The following DISP1 variants were observed in gnomAD, a reference collection of about 807,000 sequenced individuals.
DISP1 encodes dispatched RND transporter family member 1.
DISP1 carries 30 observed loss-of-function variants against 37.3 expected under a neutral mutation model. The observed-to-expected ratio is 0.80, with a 90% CI of 0.60 to 1.09. DISP1 has a LOEUF of 1.09. Among genes scored for constraint, DISP1 ranks in the 50% least tolerant of loss-of-function variants. The pLI, the probability that DISP1 is intolerant of heterozygous loss-of-function variation, is 0.00. For missense variants in DISP1, 1,598 were observed against 1,879.5 expected (o/e 0.85, Z 2.77); for synonymous variants, 634 against 690.2 (o/e 0.92, Z 1.28).
chr1:222,896,033 G>A (rs1284546620), intron 1 of DISP1, among the ~76,000 whole-genome samples: 1 of 152,194 alleles, frequency 6.6e-6, no homozygotes, highest in Non-Finnish European at 1.5e-5. Context: ...GAGGCTACAA[G>A]GTGCAGTGGC....
chr1:222,895,020 G>A (rs747352954), intron 1 of DISP1, among the ~76,000 whole-genome samples: 1 of 152,154 alleles, frequency 6.6e-6, no homozygotes, highest in Non-Finnish European at 1.5e-5. Flanking sequence ...ATCTGAGTAG[G>A]GACACCCTTT....
At chr1:222,926,241 A>G (rs1156542544) in intron 1 of DISP1, among the ~76,000 whole-genome samples, 1 of 152,150 alleles carries the variant, frequency 6.6e-6, no homozygotes, top group Non-Finnish European at 1.5e-5. Flanking sequence ...ATGTTGTAGC[A>G]TGTATCAGTG....
intron 1 of DISP1, among the ~76,000 whole-genome samples, chr1:222,829,676 A>G (rs1461115921): frequency 1.3e-5 from 2 of 152,134 alleles, no homozygotes; most frequent in African/African-American, 2.4e-5. Flanking sequence ...TCCTGACCTC[A>G]GGTGAGCCAC....
chr1:222,980,419 G>GTA (rs1295070956), intron 3 of DISP1, among the ~76,000 whole-genome samples: 1 of 151,086 alleles, frequency 6.6e-6, no homozygotes, highest in Non-Finnish European at 1.5e-5. Flanking sequence ...AAGTGTGTGT[G>GTA]TGTGTGTGTG....
chr1:222,858,562 A>C (rs987009100), intron 1 of DISP1, among the ~76,000 whole-genome samples: 1 of 152,168 alleles, frequency 6.6e-6, no homozygotes, highest in Non-Finnish European at 1.5e-5. Flanking sequence ...AATGGGAAAA[A>C]ATTTTTGCAC....
At chr1:222,956,629 T>C (rs1322796357) in intron 3 of DISP1, among the ~76,000 whole-genome samples, 1 of 151,834 alleles carries the variant, frequency 6.6e-6, no homozygotes, top group African/African-American at 2.4e-5. Context: ...CCAAATTGCA[T>C]TGCTTTTTTT....
At chr1:222,865,922 C>T (rs1230169390) in intron 1 of DISP1, among the ~76,000 whole-genome samples, 2 of 152,098 alleles carry the variant, frequency 1.3e-5, no homozygotes, top group African/African-American at 4.8e-5. Context: ...CCCTTAGGGG[C>T]CGGCCCCCTG....
intron 3 of DISP1, among the ~76,000 whole-genome samples, chr1:222,953,065 TA>T (rs889391376): frequency 2.0e-5 from 3 of 152,206 alleles, no homozygotes; most frequent in Non-Finnish European, 4.4e-5. Flanking sequence ...AATATAAATG[TA>T]AAAATGCAGT....
At chr1:222,863,927 G>T (rs1669025627) in intron 1 of DISP1, among the ~76,000 whole-genome samples, 1 of 151,986 alleles carries the variant, frequency 6.6e-6, no homozygotes, top group South Asian at 2.1e-4. Flanking sequence ...CCAAGCCCTG[G>T]GGTCAACTCT....
At chr1:222,907,693 TG>T (rs774728711) in intron 1 of DISP1, among the ~76,000 whole-genome samples, 13 of 152,242 alleles carry the variant, frequency 8.5e-5, no homozygotes, top group Non-Finnish European at 1.3e-4. Flanking sequence ...GGCTCATGCC[TG>T]TAATCCCAGC....
At chr1:222,927,522 T>G (rs1258197658) in intron 1 of DISP1, among the ~76,000 whole-genome samples, 3 of 152,202 alleles carry the variant, frequency 2.0e-5, no homozygotes, top group Non-Finnish European at 2.9e-5. Context: ...TAATGTCTTT[T>G]GATCTTCAAA....
chr1:222,911,412 A>C (rs979418690), intron 1 of DISP1, among the ~76,000 whole-genome samples: 1 of 152,214 alleles, frequency 6.6e-6, no homozygotes, highest in African/African-American at 2.4e-5. Context: ...ATAAAACTGT[A>C]GAGCAAGGGT....
chr1:222,930,250 A>T lies in DISP1; in HGVS notation c.-18+1680A>T, dbSNP rs1673315504. Among the ~76,000 whole-genome samples, 3 of 152,146 alleles carry T rather than the reference A, an allele frequency of 2.0e-5. No individual in the cohort carries two copies. In the South Asian group the frequency reaches 6.2e-4, roughly 31 times the overall value. On this transcript the variant is annotated intron_variant, in intron 2 of 8. Coordinates refer to ENST00000675850, the MANE Select transcript of DISP1 (RefSeq NM_001377229.1). ...TGAGCATTCTTGCTGTATGATTCTTATAACTCAGTGTGGATGATGGACAGC... is the reference window on the plus strand; with the variant it reads ...TGAGCATTCTTGCTGTATGATTCTTTTAACTCAGTGTGGATGATGGACAGC...
At chr1:222,960,885 G>C (rs1447862852) in intron 3 of DISP1, among the ~76,000 whole-genome samples, 3 of 151,990 alleles carry the variant, frequency 2.0e-5, no homozygotes, top group African/African-American at 7.2e-5. Context: ...ATAAATTCCT[G>C]GACACATACA....
At chr1:222,983,013 T>G (rs1677950027) in intron 3 of DISP1, 67 bp from the exon 4 acceptor site, 6 of 1,223,182 alleles carry the variant, frequency 4.9e-6, no homozygotes, top group Non-Finnish European at 5.9e-6. Flanking sequence ...GTAAAGCCTT[T>G]GTTTATGTTA....
At chr1:222,828,227 T>C (rs1407239672) in intron 1 of DISP1, among the ~76,000 whole-genome samples, 1 of 152,228 alleles carries the variant, frequency 6.6e-6, no homozygotes, top group African/African-American at 2.4e-5. Context: ...CTAAATTCTT[T>C]CTGCCATATC....
intron 3 of DISP1, among the ~76,000 whole-genome samples, chr1:222,953,667 G>A (rs1343746711): frequency 6.6e-6 from 1 of 152,132 alleles, no homozygotes; most frequent in African/African-American, 2.4e-5. Flanking sequence ...ATTCCTTAAA[G>A]TAGTCAAATT....
intron 3 of DISP1, among the ~76,000 whole-genome samples, chr1:222,966,058 A>G (rs754236455): frequency 2.9e-4 from 44 of 151,760 alleles, no homozygotes; most frequent in African/African-American, 9.7e-4. Flanking sequence ...ATGGATGGAT[A>G]GATAGAGATA....
At chr1:222,935,550 G>C (rs1412632380) in intron 2 of DISP1, among the ~76,000 whole-genome samples, 1 of 152,112 alleles carries the variant, frequency 6.6e-6, no homozygotes. Flanking sequence ...TTTCCAGAGG[G>C]CTATTAGGAG....
Sources: gnomAD v4.1 joint callset for allele counts (sites outside exome capture counted in the v4.1 genomes callset) on GRCh38, gnomAD v4.1.1 for gene constraint, MANE v1.5 for transcripts, NCBI Gene and HGNC (gene_info 2026-07-23, HGNC 2026-07-21) for gene names.